ERI1: variants seen among roughly 807,000 people sequenced by gnomAD.
ERI1 encodes the protein 3'-5' exoribonuclease 1.
Under a neutral mutation model 39.7 loss-of-function variants are expected in ERI1, and 39 were observed. The observed-to-expected ratio is 0.98, with a 90% CI of 0.76 to 1.28. The LOEUF is 1.28. Among genes scored for constraint, ERI1 ranks in the 50% most tolerant of loss-of-function variants. The pLI is 0.00. For missense variants in ERI1, 581 were observed against 416.9 expected (o/e 1.39, Z -3.43); for synonymous variants, 204 against 149.6 (o/e 1.36, Z -2.65).
intron 3 of ERI1, among the ~76,000 whole-genome samples, chr8:9,063,450 G>A (rs1798769941): frequency 6.6e-6 from 1 of 152,172 alleles, no homozygotes; most frequent in South Asian, 2.1e-4. Context: ...TGTGAGGAGG[G>A]GAGGTGATAA....
At chr8:9,054,786 G>A (rs573290434) in intron 3 of ERI1, among the ~76,000 whole-genome samples, 20 of 152,286 alleles carry the variant, frequency 1.3e-4, no homozygotes, top group Admixed American at 6.5e-4. Context: ...TTAGCCAGGC[G>A]CAGTGGCGGC....
intron 3 of ERI1, among the ~76,000 whole-genome samples, chr8:9,076,518 C>T (rs887725895): frequency 1.3e-5 from 2 of 152,172 alleles, no homozygotes; most frequent in African/African-American, 4.8e-5. Context: ...TTGACTTTCT[C>T]TCAAGTACTC....
intron 3 of ERI1, among the ~76,000 whole-genome samples, chr8:9,048,826 A>C (rs1210035995): frequency 6.6e-6 from 1 of 151,830 alleles, no homozygotes; most frequent in Non-Finnish European, 1.5e-5. Context: ...TTTTATTTTT[A>C]GTGGAGATGG....
chr8:9,044,464 C>T (rs1798116757), intron 3 of ERI1, among the ~76,000 whole-genome samples: 1 of 152,066 alleles, frequency 6.6e-6, no homozygotes, highest in South Asian at 2.1e-4. Context: ...TTCACACTGG[C>T]CCCCATACAG....
At chr8:9,057,744 AG>A (rs1371085050) in intron 3 of ERI1, among the ~76,000 whole-genome samples, 35 of 152,280 alleles carry the variant, frequency 2.3e-4, no homozygotes, top group Middle Eastern at 3.4e-3. Context: ...CATCAAGGGT[AG>A]GGGGTGGTTT....
chr8:9,007,797 A>G (rs897565108), intron 1 of ERI1, among the ~76,000 whole-genome samples, 173 bp from the exon 2 acceptor site: 4 of 152,174 alleles, frequency 2.6e-5, no homozygotes, highest in African/African-American at 9.7e-5. Context: ...TTGGAGACGC[A>G]TCTTCCTTCT....
chr8:9,030,267 C>A lies in ERI1; in HGVS notation c.*233C>A. 1 of 521,284 alleles carries A rather than the reference C, an allele frequency of 1.9e-6. No homozygotes were observed. Among genetic ancestry groups the A allele is most frequent in the Non-Finnish European group, 3.4e-6 (1 of 296,978 alleles). 32.3% of individuals were successfully genotyped at this position (521,284 alleles called of 1,614,324 possible). ...CAGTATTCGTTACATAGTAACAGTT[C>A]CTGCTTACAACTGAATTTTATAATT... On this transcript the variant is annotated 3_prime_UTR_variant, in exon 7 of 7. Transcript: ENST00000250263.
chr8:9,024,935 C>A (rs1432248191), intron 6 of ERI1, among the ~76,000 whole-genome samples: 4 of 124,170 alleles, frequency 3.2e-5, no homozygotes. Flanking sequence ...GCTCTTCATG[C>A]ATGTTAAAAA....
chr8:9,036,475 TTAAGG>T (rs765884300), downstream of ERI1, among the ~76,000 whole-genome samples: 29 of 152,326 alleles, frequency 1.9e-4, no homozygotes, highest in African/African-American at 6.7e-4. Flanking sequence ...AATTTAATCT[TTAAGG>T]TATATATGTA....
intron 3 of ERI1, among the ~76,000 whole-genome samples, chr8:9,015,740 A>AAAAAAAAAAG (rs1182633803): frequency 5.4e-5 from 8 of 148,520 alleles, no homozygotes; most frequent in African/African-American, 2.1e-4. Context: ...AAAAAAAAAA[A>AAAAAAAAAAG]AGAGACCATC....
At chr8:9,006,039 A>G (rs1043370447) in intron 1 of ERI1, among the ~76,000 whole-genome samples, 6 of 152,214 alleles carry the variant, frequency 3.9e-5, no homozygotes, top group African/African-American at 7.2e-5. Context: ...GTGACATGTG[A>G]TAGGTGGATG....
downstream of ERI1, among the ~76,000 whole-genome samples, chr8:9,033,581 ACT>A: frequency 7.0e-6 from 1 of 142,818 alleles, no homozygotes; most frequent in East Asian, 2.0e-4. Context: ...GTACAATGAT[ACT>A]TGCATCAGAC....
chr8:9,007,925 A>T (rs758698503), intron 1 of ERI1, 45 bp from the exon 2 acceptor site: 1 of 1,544,208 alleles, frequency 6.5e-7, no homozygotes, highest in South Asian at 1.2e-5. Context: ...TACTAATTAT[A>T]AACTACATCC....
chr8:9,056,815 C>T (rs766217441), intron 3 of ERI1, among the ~76,000 whole-genome samples: 3 of 152,122 alleles, frequency 2.0e-5, no homozygotes, highest in South Asian at 2.1e-4. Context: ...CCATCAATTA[C>T]GTGGGAACAC....
chr8:9,011,795 T>C (rs975150238), intron 3 of ERI1, 43 bp downstream of exon 3: 11 of 1,450,862 alleles, frequency 7.6e-6, no homozygotes, highest in Admixed American at 7.5e-5. Flanking sequence ...TAGCAGCAAC[T>C]ATTCTGGTGT....
intron 3 of ERI1, among the ~76,000 whole-genome samples, chr8:9,096,122 C>T (rs1404892571): frequency 6.6e-6 from 1 of 152,184 alleles, no homozygotes; most frequent in Non-Finnish European, 1.5e-5. Context: ...TCATGAGGTT[C>T]AAGTACAAAC....
chr8:9,052,016 A>T (rs755126252), intron 3 of ERI1, among the ~76,000 whole-genome samples: 3 of 152,224 alleles, frequency 2.0e-5, no homozygotes, highest in Non-Finnish European at 4.4e-5. Context: ...GCCAGCCCAG[A>T]TCTCATAGGG....
At chr8:9,027,258 G>C (rs1161535152) in intron 6 of ERI1, among the ~76,000 whole-genome samples, 2 of 151,806 alleles carry the variant, frequency 1.3e-5, no homozygotes, top group Non-Finnish European at 2.9e-5. Context: ...GTGATGTTGA[G>C]CATCTTTTCA....
At chr8:9,083,395 A>G (rs754703797) in intron 3 of ERI1, among the ~76,000 whole-genome samples, 4 of 152,202 alleles carry the variant, frequency 2.6e-5, no homozygotes, top group Admixed American at 6.5e-5. Flanking sequence ...CTAGGGGTCA[A>G]AAATTGATGT....
Sources: allele counts gnomAD v4.1 joint callset (sites outside exome capture counted in the v4.1 genomes callset), GRCh38; gene constraint gnomAD v4.1.1; transcripts MANE v1.5; gene names NCBI Gene and HGNC (gene_info 2026-07-23, HGNC 2026-07-21).